The following RIF1 variants were observed in gnomAD, a reference collection of about 807,000 sequenced individuals.
The protein encoded by RIF1 is replication timing regulatory factor 1, also known as telomere-associated protein RIF1.
A neutral mutation model predicts 247.1 loss-of-function variants in RIF1; 45 were observed. The ratio of observed to expected loss-of-function variants is 0.18; its 90% CI spans 0.14 to 0.23. RIF1 has a LOEUF of 0.23. Ranked by LOEUF, RIF1 falls within the 10% of genes least tolerant of loss-of-function variation. The pLI, the probability that RIF1 is intolerant of heterozygous loss-of-function variation, is 1.00. For synonymous variants in RIF1, 1,087 were observed against 978.8 expected (o/e 1.11, Z -2.06); for missense variants, 2,967 against 2,862.5 (o/e 1.04, Z -0.83).
chr2:151,422,691 G>A (rs1003383501), intron 7 of RIF1, among the ~76,000 whole-genome samples: 2 of 151,734 alleles, frequency 1.3e-5, no homozygotes, highest in Non-Finnish European at 2.9e-5. Context: ...GTAGAGACAG[G>A]GTTTCACCAT....
rs1187784783 is a variant in RIF1 at position 151,478,149 on chromosome 2, C to G, written c.*3078C>G. The G allele has an allele frequency of 1.3e-5, 2 of 152,198 alleles. No individual in the cohort carries two copies. The highest frequency in any genetic ancestry group is 2.9e-5 in the Non-Finnish European group (2 of 68,042). 9.4% of individuals were successfully genotyped at this position (152,198 alleles called of 1,614,324 possible). A position where few individuals can be genotyped will look rare whatever the true frequency, so the allele number is the denominator to read the frequency against. ...TTGTTGAATCATATGGAGCTTTACT[C>G]TAATTCCAAATAGTTAAAGGATGAA... On this transcript the variant is annotated 3_prime_UTR_variant, in exon 36 of 36. Transcript: ENST00000444746.
chr2:151,511,768 G>A (rs534018522), downstream of RIF1, among the ~76,000 whole-genome samples: 3 of 152,312 alleles, frequency 2.0e-5, no homozygotes, highest in East Asian at 5.8e-4. Flanking sequence ...ATGATGGAGA[G>A]TTATTCATCA....
intron 9 of RIF1, 96 bp from the exon 10 acceptor site, chr2:151,432,981 G>C: frequency 1.1e-6 from 1 of 919,808 alleles, no homozygotes; most frequent in South Asian, 2.7e-5. Flanking sequence ...TTTAAAATAC[G>C]TTCTCTTGCT....
At position 151,411,254 on chromosome 2, in the gene RIF1, T is replaced by C; in HGVS notation, c.105-6T>C. 6.4e-7 allele frequency: 1 copy of C among 1,566,200 alleles called. No individual in the cohort carries two copies. The highest frequency in any genetic ancestry group is 8.7e-7 in the Non-Finnish European group (1 of 1,149,854). On this transcript the variant is annotated splice_polypyrimidine_tract_variant and splice_region_variant and intron_variant, in intron 2 of 35. Coordinates refer to ENST00000444746, the MANE Select transcript of RIF1 (RefSeq NM_018151.5). ...ACTTAAACTTGTGTTCTTCCTGCTT[T>C]TTAAGTCGTATGACTGGAGAAGAAG...
At chr2:151,456,757 C>T in intron 23 of RIF1, 137 bp downstream of exon 23, 1 of 521,396 alleles carries the variant, frequency 1.9e-6, no homozygotes, top group South Asian at 2.7e-5. Flanking sequence ...CTGGAGACAG[C>T]ATTTTGCTCT....
chr2:151,411,717 A>T (rs559043189), intron 3 of RIF1, among the ~76,000 whole-genome samples: 2 of 152,262 alleles, frequency 1.3e-5, no homozygotes, highest in Middle Eastern at 3.4e-3. Flanking sequence ...GGTGGTTTTT[A>T]AAAGTTTTGC....
intron 1 of RIF1, 80 bp from the exon 2 acceptor site, chr2:151,410,334 A>C: frequency 9.0e-7 from 1 of 1,113,556 alleles, no homozygotes; most frequent in Non-Finnish European, 1.3e-6. Flanking sequence ...TGCGGGTGTG[A>C]GGGCCGGACT....
At chr2:151,487,667 G>A (rs530382185) in intron 9 of RIF1, among the ~76,000 whole-genome samples, 11 of 152,112 alleles carry the variant, frequency 7.2e-5, no homozygotes, top group Non-Finnish European at 1.3e-4. Context: ...GCATCCTACC[G>A]TTTATCTTTG....
the RIF1 span, chr2:151,529,164 A>G: frequency 7.8e-7 from 1 of 1,287,108 alleles, no homozygotes. Context: ...GTCCTACAGA[A>G]GCTGGTAAAT....
intron 31 of RIF1, 122 bp from the exon 32 acceptor site, chr2:151,468,351 TA>T (rs1697276457): frequency 1.1e-6 from 1 of 879,926 alleles, no homozygotes; most frequent in East Asian, 2.5e-5. Flanking sequence ...GATTAGGTAG[TA>T]GATTACTCTT....
At chr2:151,506,829 AAT>A in intron 13 of RIF1, 1 of 907,156 alleles carries the variant, frequency 1.1e-6, no homozygotes, top group Non-Finnish European at 1.8e-6. Flanking sequence ...TGTGTGTATC[AAT>A]ATAAGGCTAG....
intron 26 of RIF1, among the ~76,000 whole-genome samples, chr2:151,460,456 A>C (rs1170413622): frequency 2.0e-5 from 3 of 152,224 alleles, no homozygotes; most frequent in African/African-American, 7.2e-5. Flanking sequence ...ACTTTTGTTT[A>C]GGATTATTGT....
At chr2:151,513,787 C>T in the RIF1 span, 3 of 840,506 alleles carry the variant, frequency 3.6e-6, no homozygotes, top group Non-Finnish European at 5.8e-6. Context: ...TAACACGCCA[C>T]CCCAGTTGTC....
the RIF1 span, chr2:151,531,110 T>G: frequency 6.4e-7 from 1 of 1,563,506 alleles, no homozygotes; most frequent in Non-Finnish European, 8.8e-7. Flanking sequence ...ATCTGAAAGA[T>G]CAAAAAGCAG....
chr2:151,501,536 T>C, intron 11 of RIF1: 3 of 1,069,276 alleles, frequency 2.8e-6, no homozygotes, highest in Non-Finnish European at 3.8e-6. Flanking sequence ...ATTTTTTAGG[T>C]AGACTTAACC....
intron 24 of RIF1, among the ~76,000 whole-genome samples, chr2:151,458,264 ACT>A (rs998166875): frequency 1.6e-5 from 2 of 122,188 alleles, no homozygotes; most frequent in African/African-American, 3.1e-5. Flanking sequence ...ATAGAGTCTC[ACT>A]CTGTCGCCCA....
chr2:151,426,748 G>T (rs1453122727), intron 8 of RIF1, among the ~76,000 whole-genome samples: 1 of 151,674 alleles, frequency 6.6e-6, no homozygotes, highest in African/African-American at 2.4e-5. Flanking sequence ...CCGGGTTCAA[G>T]TGATTCTCCT....
intron 27 of RIF1, 146 bp from the exon 28 acceptor site, chr2:151,462,096 C>T (rs992270763): frequency 2.9e-5 from 13 of 447,534 alleles, no homozygotes; most frequent in South Asian, 6.2e-5. Flanking sequence ...TGGTCTTGAA[C>T]TCCTGAGCTC....
the RIF1 span, among the ~76,000 whole-genome samples, chr2:151,530,356 A>G: frequency 2.0e-5 from 3 of 152,022 alleles, no homozygotes; most frequent in Admixed American, 6.5e-5. Context: ...AGCTTCACCC[A>G]CTTTTGCTCT....
Sources: allele counts gnomAD v4.1 joint callset (sites outside exome capture counted in the v4.1 genomes callset), GRCh38; gene constraint gnomAD v4.1.1; transcripts MANE v1.5; gene names NCBI Gene and HGNC (gene_info 2026-07-23, HGNC 2026-07-21).